The following APBB2 variants were observed in gnomAD, a reference collection of about 807,000 sequenced individuals.
The protein encoded by APBB2 is amyloid beta precursor protein binding family B member 2, also known as Fe65-like 1.
Under a neutral mutation model 82.5 loss-of-function variants are expected in APBB2, and 38 were observed. The observed-to-expected ratio is 0.46, with a 90% CI of 0.36 to 0.60. The LOEUF (loss-of-function observed/expected upper bound fraction) is 0.60, where lower values mean the gene tolerates loss of function less well. APBB2 is among the 20% of genes least tolerant of loss of function. APBB2 has a pLI of 0.00. For missense variants in APBB2, 772 were observed against 972.3 expected (o/e 0.79, Z 2.74); for synonymous variants, 341 against 368.2 (o/e 0.93, Z 0.85).
intron 6 of APBB2, among the ~76,000 whole-genome samples, chr4:40,951,169 G>A (rs1427543426): frequency 1.3e-5 from 2 of 152,170 alleles, no homozygotes; most frequent in Admixed American, 6.5e-5. Flanking sequence ...AGGACTTCTG[G>A]AGTATTAGAA....
At chr4:41,183,318 A>G (rs931003985) in intron 1 of APBB2, among the ~76,000 whole-genome samples, 2 of 152,204 alleles carry the variant, frequency 1.3e-5, no homozygotes, top group Non-Finnish European at 2.9e-5. Flanking sequence ...GTTGGATTGC[A>G]TCATTCCTCT....
In APBB2 at chr4:40,855,699, G is replaced by T. The variant is rs1185529822; in HGVS notation, c.1530-25122C>A. ...TGCAGTGAGCCGAGATTGTGCCACT[G>T]CACTACAGGCTGGGTGACAGAGAGG... is the stretch of plus-strand genomic sequence containing the variant. On this transcript the variant is annotated intron_variant, in intron 12 of 17. Transcript: ENST00000508593. Among the ~76,000 whole-genome samples the T allele has an allele frequency of 2.6e-5, 4 of 151,634 alleles. No homozygotes were observed. In the East Asian group the frequency reaches 7.7e-4, roughly 29 times the overall value.
At chr4:40,935,898 AAAC>A (rs1428276550) in intron 7 of APBB2, among the ~76,000 whole-genome samples, 1 of 152,228 alleles carries the variant, frequency 6.6e-6, no homozygotes. Flanking sequence ...TTCCAAATCT[AAAC>A]AACTGCTCCA....
chr4:40,834,350 C>A (rs1269114453), intron 12 of APBB2, among the ~76,000 whole-genome samples: 2 of 152,214 alleles, frequency 1.3e-5, no homozygotes, highest in Non-Finnish European at 2.9e-5. Context: ...ATATGGAGAT[C>A]TGTAAGAGGC....
At chr4:41,196,114 C>G in intron 1 of APBB2, among the ~76,000 whole-genome samples, 4 of 151,726 alleles carry the variant, frequency 2.6e-5, no homozygotes, top group Admixed American at 6.6e-5. Flanking sequence ...AGCCAAGATC[C>G]CGCCACTGCA....
intron 6 of APBB2, among the ~76,000 whole-genome samples, chr4:40,956,876 CAA>C (rs1302277147): frequency 6.6e-6 from 1 of 152,088 alleles, no homozygotes; most frequent in African/African-American, 2.4e-5. Flanking sequence ...AAAATCAACA[CAA>C]AAGTTTCTTA....
At chr4:41,090,397 T>C (rs1741265856) in intron 3 of APBB2, among the ~76,000 whole-genome samples, 1 of 152,170 alleles carries the variant, frequency 6.6e-6, no homozygotes, top group Non-Finnish European at 1.5e-5. Context: ...CTCTCTCCTA[T>C]GGGTATGCCA....
At chr4:41,122,132 C>G (rs1447644519) in intron 2 of APBB2, among the ~76,000 whole-genome samples, 3 of 152,098 alleles carry the variant, frequency 2.0e-5, no homozygotes, top group Non-Finnish European at 4.4e-5. Flanking sequence ...TACTAAGTTG[C>G]CCAGGCTGGT....
intron 7 of APBB2, among the ~76,000 whole-genome samples, chr4:40,936,696 G>T (rs934983937): frequency 6.6e-6 from 1 of 152,152 alleles, no homozygotes; most frequent in Non-Finnish European, 1.5e-5. Flanking sequence ...AAAATAAAAT[G>T]GGAACTTAGA....
intron 6 of APBB2, among the ~76,000 whole-genome samples, chr4:40,971,318 A>G (rs1795875709): frequency 1.3e-5 from 2 of 152,308 alleles, no homozygotes; most frequent in Admixed American, 1.3e-4. Context: ...CTCTTTCATT[A>G]ATTTTTTTAC....
At position 40,825,886 on chromosome 4, in the gene APBB2, C is replaced by T; in HGVS notation, c.1816+1G>A. 6.2e-7 allele frequency: 1 copy of T among 1,613,308 alleles called. No individual in the cohort carries two copies. The highest frequency in any genetic ancestry group is 8.5e-7 in the Non-Finnish European group (1 of 1,179,244). On this transcript the variant is annotated splice_donor_variant, in intron 15 of 17. Coordinates refer to ENST00000508593, the MANE Select transcript of APBB2 (RefSeq NM_004307.2). LOFTEE classifies it high-confidence loss of function. ...GGAAAGACAATAAACATTTCACATA[C>T]CGACTGGTTTGTCTACAGGTAACAT...
At chr4:41,066,076 A>ATGGACAGCGC (rs1731692230) in intron 3 of APBB2, among the ~76,000 whole-genome samples, 1 of 116,334 alleles carries the variant, frequency 8.6e-6, no homozygotes. Context: ...AAAACTTTAA[A>ATGGACAGCGC]AGCTTGAAAT....
intron 2 of APBB2, among the ~76,000 whole-genome samples, chr4:41,140,790 G>A (rs11723308): frequency 0.051 from 7,741 of 152,182 alleles, 425 homozygotes; most frequent in African/African-American, 0.13. Flanking sequence ...TGAACTGCAC[G>A]TGCCAGGGAT....
At chr4:41,026,789 A>G (rs908579990) in intron 5 of APBB2, among the ~76,000 whole-genome samples, 1 of 152,218 alleles carries the variant, frequency 6.6e-6, no homozygotes, top group Admixed American at 6.5e-5. Flanking sequence ...CTCATATACA[A>G]GTTTTTCTTC....
chr4:40,906,861 A>G (rs1776897489), intron 10 of APBB2, among the ~76,000 whole-genome samples: 1 of 152,190 alleles, frequency 6.6e-6, no homozygotes, highest in Non-Finnish European at 1.5e-5. Flanking sequence ...TTCCTAAAAC[A>G]GAGGTGGCAG....
At chr4:40,846,266 C>T (rs922239888) in intron 12 of APBB2, among the ~76,000 whole-genome samples, 14 of 137,530 alleles carry the variant, frequency 1.0e-4, no homozygotes, top group African/African-American at 2.2e-4. Flanking sequence ...GGGAGCTCCA[C>T]GAGGAGAAAG....
intron 10 of APBB2, among the ~76,000 whole-genome samples, chr4:40,913,207 T>G (rs68087248): frequency 0.26 from 39,180 of 152,152 alleles, 6,048 homozygotes; most frequent in East Asian, 0.55. Context: ...CCCGCCAGTC[T>G]GGGGGGTCAG....
At chr4:40,922,425 A>G (rs1424823578) in intron 10 of APBB2, among the ~76,000 whole-genome samples, 2 of 152,218 alleles carry the variant, frequency 1.3e-5, no homozygotes, top group Admixed American at 1.3e-4. Flanking sequence ...TTAGAGTCTG[A>G]AAATGTGGAA....
Position 40,832,944 on chromosome 4 carries a change from C to T in APBB2, c.1530-2367G>A, listed in dbSNP as rs1292197024. ...CTTGCTCAGTACTGAATGGGTTCCA[C>T]GACTGGGCTCGGGGGTGGGTTGGGG... is the stretch of plus-strand genomic sequence containing the variant. On this transcript the variant is annotated intron_variant, in intron 12 of 17. Transcript: ENST00000508593. This position sits in a 1 kb window ranked among gnomAD's most constrained non-coding sequence, Gnocchi z 4.8. Among the ~76,000 whole-genome samples the T allele has an allele frequency of 2.0e-5, 3 of 152,132 alleles. No individual in the cohort carries two copies. The highest frequency in any genetic ancestry group is 2.9e-5 in the Non-Finnish European group (2 of 68,030).
Sources: gnomAD v4.1 joint callset for allele counts (sites outside exome capture counted in the v4.1 genomes callset) on GRCh38, gnomAD v4.1.1 for gene constraint, Gnocchi (gnomAD v3.1) non-coding constraint, MANE v1.5 for transcripts, NCBI Gene and HGNC (gene_info 2026-07-23, HGNC 2026-07-21) for gene names.